The following SYCP2L variants were observed in gnomAD, a reference collection of about 807,000 sequenced individuals.
SYCP2L encodes synaptonemal complex protein 2 like, also known as synaptonemal complex protein 2-like.
In SYCP2L, 98 loss-of-function variants were observed where a neutral mutation model predicts 125.8. The ratio of observed to expected loss-of-function variants is 0.78; its 90% CI spans 0.66 to 0.92. The LOEUF (loss-of-function observed/expected upper bound fraction) is 0.92, where lower values mean the gene tolerates loss of function less well. Ranked by LOEUF, SYCP2L falls within the 40% of genes least tolerant of loss-of-function variation. The pLI is 0.00. For synonymous variants in SYCP2L, 317 were observed against 325.4 expected (o/e 0.97, Z 0.28); for missense variants, 842 against 936.4 (o/e 0.90, Z 1.32).
chr6:10,945,927 C>T (rs774807704), intron 23 of SYCP2L, among the ~76,000 whole-genome samples: 35 of 152,116 alleles, frequency 2.3e-4, no homozygotes, highest in African/African-American at 2.6e-4. Context: ...CTGTTTATTT[C>T]GTTTAGAATT....
At chr6:10,937,623 C>T (rs957717117) in intron 21 of SYCP2L, among the ~76,000 whole-genome samples, 13 of 151,772 alleles carry the variant, frequency 8.6e-5, no homozygotes, top group African/African-American at 2.9e-4. Context: ...TAGAAATGTT[C>T]AATGAAACTA....
intron 29 of SYCP2L, among the ~76,000 whole-genome samples, chr6:10,965,884 G>A (rs917135187): frequency 1.6e-4 from 24 of 152,160 alleles, no homozygotes; most frequent in Admixed American, 1.3e-4. Context: ...AGGCCAAGGC[G>A]GGTGAATCAC....
intron 1 of SYCP2L, among the ~76,000 whole-genome samples, chr6:10,890,536 T>G (rs1273138494): frequency 6.6e-6 from 1 of 152,190 alleles, no homozygotes; most frequent in Admixed American, 6.5e-5. Flanking sequence ...CCATTTTTAA[T>G]TGGATTGGTT....
intron 10 of SYCP2L, among the ~76,000 whole-genome samples, chr6:10,909,247 T>A (rs1282696669): frequency 6.6e-6 from 1 of 150,794 alleles, no homozygotes; most frequent in Non-Finnish European, 1.5e-5. Context: ...TCCTGCCTTA[T>A]CCTCCCGAGT....
intron 14 of SYCP2L, among the ~76,000 whole-genome samples, chr6:10,916,499 AG>A (rs1390731577): frequency 6.6e-6 from 1 of 152,112 alleles, no homozygotes; most frequent in Non-Finnish European, 1.5e-5. Flanking sequence ...TGTATCTCAG[AG>A]GTTTTGATAG....
intron 21 of SYCP2L, among the ~76,000 whole-genome samples, chr6:10,936,562 TAACAATC>T (rs1471149592): frequency 6.6e-6 from 1 of 151,646 alleles, no homozygotes; most frequent in African/African-American, 2.4e-5. Context: ...TACAAAAGAG[TAACAATC>T]AACAAAATGG....
chr6:10,901,226 ATTTC>A, intron 6 of SYCP2L, among the ~76,000 whole-genome samples: 2 of 152,226 alleles, frequency 1.3e-5, no homozygotes, highest in East Asian at 3.9e-4. Flanking sequence ...ATGGTACCTT[ATTTC>A]TTCTTCTTTG....
intron 28 of SYCP2L, 54 bp from the exon 29 acceptor site, chr6:10,963,728 T>C (rs1781629698): frequency 6.3e-7 from 1 of 1,575,908 alleles, no homozygotes; most frequent in South Asian, 1.1e-5. Context: ...TGTATGTTCT[T>C]GTTTTTAAAT....
At chr6:10,909,018 A>G (rs1335235795) in intron 10 of SYCP2L, among the ~76,000 whole-genome samples, 1 of 151,320 alleles carries the variant, frequency 6.6e-6, no homozygotes, top group Non-Finnish European at 1.5e-5. Context: ...GCTCTTTGTC[A>G]TTTCTCATTT....
intron 1 of SYCP2L, among the ~76,000 whole-genome samples, chr6:10,890,055 C>G (rs1299745284): frequency 6.6e-6 from 1 of 152,168 alleles, no homozygotes; most frequent in Admixed American, 6.5e-5. Context: ...GTTCTTTTTT[C>G]TGGCTGAAAA....
intron 2 of SYCP2L, 74 bp from the exon 3 acceptor site, chr6:10,893,793 G>C: frequency 6.8e-7 from 1 of 1,473,400 alleles, no homozygotes; most frequent in African/African-American, 1.4e-5. Flanking sequence ...TATTGATAAT[G>C]AGATCAGTTA....
intron 14 of SYCP2L, among the ~76,000 whole-genome samples, chr6:10,924,136 G>A (rs560968858): frequency 6.6e-6 from 1 of 152,230 alleles, no homozygotes; most frequent in Non-Finnish European, 1.5e-5. Context: ...AGTGAATATT[G>A]TGCATAGTAT....
At chr6:10,898,147 A>T (rs1301641254) in intron 5 of SYCP2L, 32 bp downstream of exon 5, 2 of 1,437,234 alleles carry the variant, frequency 1.4e-6, no homozygotes, top group African/African-American at 2.8e-5. Context: ...CACTGAGCAG[A>T]TGCCATTGGT....
At position 10,954,864 on chromosome 6, in the gene SYCP2L, G is replaced by A. The variant is rs115358597; in HGVS notation, c.1955-252G>A. On this transcript the variant is annotated intron_variant, in intron 23 of 29. Coordinates refer to ENST00000283141, the MANE Select transcript of SYCP2L (RefSeq NM_001040274.3). This position sits in a 1 kb window ranked among gnomAD's most constrained non-coding sequence, Gnocchi z 4.8. Reference sequence around the variant, plus strand: ...ACTTAGGAACGCTCTGCCTAGTGAGGGGTCTGTGCTAAGCAGAGTGTTCCT... The same window carrying A: ...ACTTAGGAACGCTCTGCCTAGTGAGAGGTCTGTGCTAAGCAGAGTGTTCCT... 1.8e-3 allele frequency among the ~76,000 whole-genome samples: 274 copies of A among 152,268 alleles called. No individual in the cohort carries two copies. The highest frequency in any genetic ancestry group is 6.2e-3 in the African/African-American group (256 of 41,546).
chr6:10,944,755 C>T (rs1315317225), intron 23 of SYCP2L, among the ~76,000 whole-genome samples: 1 of 151,992 alleles, frequency 6.6e-6, no homozygotes, highest in African/African-American at 2.4e-5. Context: ...CACTCTGTCA[C>T]CCAGGCTGGA....
At chr6:10,961,474 T>C in intron 27 of SYCP2L, 26 bp from the exon 28 acceptor site, 2 of 1,613,984 alleles carry the variant, frequency 1.2e-6, no homozygotes, top group Non-Finnish European at 1.7e-6. Flanking sequence ...GCTAGCTACT[T>C]AAACAAAACT....
intron 8 of SYCP2L, among the ~76,000 whole-genome samples, chr6:10,903,402 G>C (rs1348048829): frequency 6.6e-6 from 1 of 152,160 alleles, no homozygotes; most frequent in African/African-American, 2.4e-5. Context: ...CAAAAAATTA[G>C]CCGGCTGTGG....
chr6:10,959,869 C>A (rs371743129), intron 26 of SYCP2L, among the ~76,000 whole-genome samples: 25 of 126,184 alleles, frequency 2.0e-4, no homozygotes, highest in South Asian at 7.5e-4. Flanking sequence ...AACTCTGTCT[C>A]AAAAAAAAAA....
chr6:10,913,967 G>GA (rs2113325444), intron 14 of SYCP2L, among the ~76,000 whole-genome samples: 1 of 152,152 alleles, frequency 6.6e-6, no homozygotes, highest in South Asian at 2.1e-4. Flanking sequence ...GAGTTGCTGG[G>GA]ATGACAGGCA....
Sources: gnomAD v4.1 joint callset for allele counts (sites outside exome capture counted in the v4.1 genomes callset) on GRCh38, gnomAD v4.1.1 for gene constraint, Gnocchi (gnomAD v3.1) non-coding constraint, MANE v1.5 for transcripts, NCBI Gene and HGNC (gene_info 2026-07-23, HGNC 2026-07-21) for gene names.